Variants in YTHDF2 observed in about 807,000 individuals in gnomAD.
The protein encoded by YTHDF2 is YTH domain-containing family protein 2.
A neutral mutation model predicts 50.4 loss-of-function variants in YTHDF2; 2 were observed. That is an observed-to-expected ratio of 0.04 (90% CI 0.02 to 0.12). YTHDF2 has a LOEUF of 0.12. Ranked by LOEUF, YTHDF2 falls within the 10% of genes least tolerant of loss-of-function variation. YTHDF2 has a pLI of 1.00. For synonymous variants in YTHDF2, 217 were observed against 255.6 expected (o/e 0.85, Z 1.44); for missense variants, 483 against 722.6 (o/e 0.67, Z 3.80).
At chr1:28,762,837 A>G (rs1368362172) in intron 4 of YTHDF2, among the ~76,000 whole-genome samples, 1 of 151,928 alleles carries the variant, frequency 6.6e-6, no homozygotes, top group Non-Finnish European at 1.5e-5. Context: ...ATTTTATTTT[A>G]TTTTTAATTT....
chr1:28,745,439 G>A (rs1212419528), intron 4 of YTHDF2, among the ~76,000 whole-genome samples: 1 of 152,148 alleles, frequency 6.6e-6, no homozygotes, highest in African/African-American at 2.4e-5. Context: ...TTAACTTAAA[G>A]TCTTCCATAT....
chr1:28,757,134 G>A (rs554438307), intron 4 of YTHDF2, among the ~76,000 whole-genome samples: 1 of 152,262 alleles, frequency 6.6e-6, no homozygotes, highest in East Asian at 1.9e-4. Context: ...ATAGTCCCTC[G>A]TTGAACTGAT....
chr1:28,752,255 C>T (rs1365940312), intron 4 of YTHDF2, among the ~76,000 whole-genome samples: 2 of 152,190 alleles, frequency 1.3e-5, no homozygotes, highest in Admixed American at 6.6e-5. Flanking sequence ...TGCTGTTGCA[C>T]ACTGATAACA....
At chr1:28,738,714 C>T (rs1458056695) in intron 3 of YTHDF2, among the ~76,000 whole-genome samples, 1 of 152,248 alleles carries the variant, frequency 6.6e-6, no homozygotes, top group Non-Finnish European at 1.5e-5. Flanking sequence ...GCTGGGATTA[C>T]AGGCGTGAGC....
intron 4 of YTHDF2, among the ~76,000 whole-genome samples, chr1:28,768,389 GGTTT>G (rs2088252445): frequency 1.3e-5 from 2 of 151,712 alleles, no homozygotes; most frequent in Admixed American, 6.6e-5. Flanking sequence ...CAGATGTGTG[GGTTT>G]GTTTTTTTTT....
intron 4 of YTHDF2, among the ~76,000 whole-genome samples, chr1:28,745,848 TG>T (rs778664632): frequency 1.6e-4 from 24 of 150,298 alleles, no homozygotes; most frequent in Non-Finnish European, 1.5e-5. Context: ...AAGACCAGCC[TG>T]GGCAATGTAG....
chr1:28,737,415 C>T (rs1363966931), intron 1 of YTHDF2: 6 of 640,454 alleles, frequency 9.4e-6, no homozygotes, highest in East Asian at 6.3e-5. Flanking sequence ...TTTCCTTCCC[C>T]TTCCTTAAAG....
At position 28,743,072 on chromosome 1, in the gene YTHDF2, C is replaced by T. The variant is rs756195883; in HGVS notation, c.802C>T (p.Pro268Ser). ...TGCAGGGTCAAGTCTTCCGCCACCC[C>T]CGATAAAGCATAACATGGATATTGG... ...GIAGSSLPPP[P>S]IKHNMDIGTW... The change falls in exon 4 of 5, where the codon CCG (proline) becomes TCG (serine). Residue 268 changes from proline (P) to serine (S), a missense_variant. This residue lies in a region of YTHDF2 where 385 missense variants were observed against 475.8 expected (regional missense o/e 0.81). Coordinates refer to ENST00000373812, the MANE Select transcript of YTHDF2 (RefSeq NM_016258.3). This position sits in a 1 kb window ranked among gnomAD's most constrained non-coding sequence, Gnocchi z 6.9. 1 of 1,614,156 alleles carries T rather than the reference C, an allele frequency of 6.2e-7. No individual in the cohort carries two copies. The highest frequency in any genetic ancestry group is 2.2e-5 in the East Asian group (1 of 44,890).
chr1:28,736,877 T>C (rs940790100), upstream of YTHDF2: 4 of 429,426 alleles, frequency 9.3e-6, no homozygotes, highest in Non-Finnish European at 8.4e-6. Flanking sequence ...GGCGCTCTGC[T>C]TTAGGCGGTG....
chr1:28,741,908 T>C (rs932228641), intron 3 of YTHDF2, among the ~76,000 whole-genome samples: 2 of 152,224 alleles, frequency 1.3e-5, no homozygotes, highest in Non-Finnish European at 2.9e-5. Context: ...TTTACTTAGT[T>C]GTAGTGCTAA....
At chr1:28,767,005 ATTTT>A (rs549118209) in intron 4 of YTHDF2, among the ~76,000 whole-genome samples, 9 of 131,892 alleles carry the variant, frequency 6.8e-5, no homozygotes, top group African/African-American at 1.7e-4. Flanking sequence ...TAATTAAAAG[ATTTT>A]TTTTTTTTTT....
chr1:28,745,947 G>T (rs1030600803), intron 4 of YTHDF2, among the ~76,000 whole-genome samples: 4 of 152,144 alleles, frequency 2.6e-5, no homozygotes, highest in Admixed American at 2.0e-4. Context: ...GCTGAGGAAG[G>T]AGGATCCCTT....
At chr1:28,767,682 G>A (rs939091052) in intron 4 of YTHDF2, among the ~76,000 whole-genome samples, 5 of 151,362 alleles carry the variant, frequency 3.3e-5, no homozygotes, top group Non-Finnish European at 7.4e-5. Flanking sequence ...CTAATTTTTT[G>A]TATTTTTAGT....
intron 4 of YTHDF2, among the ~76,000 whole-genome samples, chr1:28,754,963 CAAAAA>C (rs58411768): frequency 8.6e-5 from 7 of 81,454 alleles, no homozygotes; most frequent in Admixed American, 1.6e-4. Flanking sequence ...GGTGACAGCT[CAAAAA>C]AAAAAAAAAA....
chr1:28,762,397 A>G (rs1331282385), intron 4 of YTHDF2, among the ~76,000 whole-genome samples: 1 of 152,190 alleles, frequency 6.6e-6, no homozygotes, highest in African/African-American at 2.4e-5. Context: ...GTCTCAAAGA[A>G]TTTTAGAATG....
rs756120802 is a variant in YTHDF2, at chr1:28,737,166, T to C, written c.27+19T>C. ...GGAGCAGGTACAGGCCCGGCCCGCA[T>C]GCCTCGGCCATTGTGTGAGGCGAGA... On this transcript the variant is annotated intron_variant, in intron 1 of 4. Transcript: ENST00000373812. 6.3e-7 allele frequency: 1 copy of C among 1,577,938 alleles called. No individual in the cohort carries two copies. The highest frequency in any genetic ancestry group is 1.2e-5 in the South Asian group (1 of 86,716).
intron 1 of YTHDF2, 56 bp downstream of exon 1, chr1:28,737,203 T>A: frequency 6.6e-7 from 1 of 1,508,940 alleles, no homozygotes; most frequent in Non-Finnish European, 8.9e-7. Flanking sequence ...GGAGCCCGAC[T>A]AGGCCCGGGC....
intron 3 of YTHDF2, chr1:28,740,345 A>G (rs896801346): frequency 2.6e-5 from 4 of 152,212 alleles, no homozygotes; most frequent in African/African-American, 7.2e-5. Flanking sequence ...CAGACATTCA[A>G]CTGTGTCTTG....
chr1:28,736,987 C>G lies in YTHDF2; in HGVS notation c.-134C>G. 1.7e-6 allele frequency: 2 copies of G among 1,159,852 alleles called. No individual in the cohort carries two copies. Among genetic ancestry groups the G allele is most frequent in the Non-Finnish European group, 2.4e-6 (2 of 824,804 alleles). 71.8% of individuals were successfully genotyped at this position (1,159,852 alleles called of 1,614,324 possible). A position where few individuals can be genotyped will look rare whatever the true frequency, so the allele number is the denominator to read the frequency against. On this transcript the variant is annotated 5_prime_UTR_variant, in exon 1 of 5. Transcript: ENST00000373812. Reference sequence around the variant, plus strand: ...GGAGCCTGAGCCGCGCGCTGTGTCTCCGCTGCGTCCGCCGAGGCCCCCGAG... The same window carrying G: ...GGAGCCTGAGCCGCGCGCTGTGTCTGCGCTGCGTCCGCCGAGGCCCCCGAG...
Sources: allele counts gnomAD v4.1 joint callset (sites outside exome capture counted in the v4.1 genomes callset), GRCh38; gene constraint gnomAD v4.1.1; regional missense constraint gnomAD v4.1.1; non-coding constraint Gnocchi (gnomAD v3.1); transcripts MANE v1.5; gene names NCBI Gene and HGNC (gene_info 2026-07-23, HGNC 2026-07-21).